Variants in L3MBTL1 observed in about 807,000 individuals in gnomAD.
The protein encoded by L3MBTL1 is lethal(3)malignant brain tumor-like protein 1.
In L3MBTL1, 75 loss-of-function variants were observed where a neutral mutation model predicts 105.3. That is an observed-to-expected ratio of 0.71 (90% CI 0.59 to 0.86). The LOEUF is 0.86. L3MBTL1 is among the 40% of genes least tolerant of loss of function. The pLI, the probability that L3MBTL1 is intolerant of heterozygous loss-of-function variation, is 0.00. For synonymous variants in L3MBTL1, 452 were observed against 436.2 expected, an observed-to-expected ratio of 1.04 and a Z score of -0.45; for missense variants, 1,069 against 1,126.4, an observed-to-expected ratio of 0.95 and a Z score of 0.73.
At chr20:43,514,535 G>A (rs759495257) in intron 3 of L3MBTL1, 100 bp from the exon 4 acceptor site, 6 of 1,577,410 alleles carry the variant, frequency 3.8e-6, no homozygotes, top group South Asian at 1.2e-5. Context: ...TGCTGAGGGC[G>A]TGAGCTGGCA....
chr20:43,530,336 A>G lies in L3MBTL1; in HGVS notation c.1109A>G (p.Asp370Gly), dbSNP rs1276410568. Residue 370 changes from aspartate (D) to glycine (G), a missense_variant, in exon 10 of 22, where the codon GAC (aspartate) becomes GGC (glycine). By Grantham distance (94) the Asp-to-Gly change is moderately conservative. Coordinates refer to ENST00000418998, the MANE Select transcript of L3MBTL1 (RefSeq NM_001377303.1). ...LHFDGYSECH[D>G]FWVNANSPDI... ...TTTGATGGGTATTCTGAGTGCCATG[A>G]CTTCTGGGTCAATGCCAACTCCCCT... The G allele has an allele frequency of 3.1e-6, 5 of 1,613,844 alleles. No homozygotes were observed. The highest frequency in any genetic ancestry group is 4.2e-6 in the Non-Finnish European group (5 of 1,179,994).
intron 9 of L3MBTL1, among the ~76,000 whole-genome samples, chr20:43,529,735 G>A (rs1262783224): frequency 6.6e-6 from 1 of 152,198 alleles, no homozygotes. Flanking sequence ...GAGCTGGGAG[G>A]CACAGTTGGG....
intron 7 of L3MBTL1, 134 bp from the exon 8 acceptor site, chr20:43,528,523 G>A (rs2019150278): frequency 1.5e-6 from 1 of 666,216 alleles, no homozygotes; most frequent in Non-Finnish European, 2.7e-6. Context: ...CATGGTGGGT[G>A]GGACCAGAGG....
At chr20:43,518,851 CAAAAAA>C (rs34529936) in intron 7 of L3MBTL1, among the ~76,000 whole-genome samples, 6 of 33,300 alleles carry the variant, frequency 1.8e-4, no homozygotes, top group African/African-American at 7.2e-4. Flanking sequence ...ACTAAAAATA[CAAAAAA>C]AAAAAAAAAA....
intron 13 of L3MBTL1, 83 bp downstream of exon 13, chr20:43,533,501 A>C (rs2019448332): frequency 1.7e-6 from 2 of 1,158,628 alleles, no homozygotes; most frequent in Non-Finnish European, 2.5e-6. Flanking sequence ...GTAGTGCCCC[A>C]GTAGCTGGCT....
Position 43,534,877 on chromosome 20 carries a change from A to T in L3MBTL1, c.1760A>T (p.Asp587Val). 6.2e-7 allele frequency: 1 copy of T among 1,609,670 alleles called. No individual in the cohort carries two copies. The highest frequency in any genetic ancestry group is 1.1e-5 in the South Asian group (1 of 90,948). Reference protein sequence around the residue: ...SHGYDFWIDADHPDIHPAGWC... With the variant: ...SHGYDFWIDAVHPDIHPAGWC... ...GGCTATGATTTCTGGATCGACGCTG[A>T]CCACCCAGACATCCACCCTGCCGGC... The change falls in exon 16 of 22, where the codon GAC (aspartate) becomes GTC (valine). Residue 587 changes from aspartate to valine, a missense_variant. By Grantham distance (152) the Asp-to-Val change is radical. Coordinates refer to ENST00000418998, the MANE Select transcript of L3MBTL1 (RefSeq NM_001377303.1).
downstream of L3MBTL1, among the ~76,000 whole-genome samples, chr20:43,546,231 G>A (rs892209483): frequency 6.6e-6 from 1 of 152,240 alleles, no homozygotes; most frequent in Non-Finnish European, 1.5e-5. Context: ...GGAAGGGTCT[G>A]TAGTGCAGTC....
chr20:43,535,946 G>A lies in L3MBTL1; in HGVS notation c.1925+10G>A, dbSNP rs1008433259. On this transcript the variant is annotated intron_variant, in intron 17 of 21. Coordinates refer to ENST00000418998, the MANE Select transcript of L3MBTL1 (RefSeq NM_001377303.1). ...ACAGCTTTCACCACCGGTGAGTGAA[G>A]GTTCCTGGTGAGAGACCCTCAGCGT... 8 of 1,609,054 alleles carry A rather than the reference G, an allele frequency of 5.0e-6. No homozygotes were observed. Among genetic ancestry groups the A allele is most frequent in the Non-Finnish European group, 6.8e-6 (8 of 1,176,728 alleles).
At chr20:43,520,265 T>C (rs1040810454) in intron 7 of L3MBTL1, among the ~76,000 whole-genome samples, 5 of 152,348 alleles carry the variant, frequency 3.3e-5, no homozygotes, top group African/African-American at 1.2e-4. Context: ...AATATTCCAT[T>C]GTATGGGCAT....
chr20:43,536,635 G>T (rs1474309544), intron 19 of L3MBTL1, among the ~76,000 whole-genome samples, 177 bp downstream of exon 19: 1 of 152,172 alleles, frequency 6.6e-6, no homozygotes, highest in East Asian at 1.9e-4. Flanking sequence ...GAGGGGCCTT[G>T]AGTGACCTTG....
chr20:43,549,404 G>A (rs1978838440), exon 19 of L3MBTL1: 1 of 152,184 alleles, frequency 6.6e-6, no homozygotes, highest in Admixed American at 6.5e-5. Context: ...GAGTTAGGAA[G>A]GTGAACTTTT....
At chr20:43,525,633 AAGG>A (rs1207620177) in intron 7 of L3MBTL1, among the ~76,000 whole-genome samples, 1 of 152,166 alleles carries the variant, frequency 6.6e-6, no homozygotes, top group Non-Finnish European at 1.5e-5. Context: ...ACAATAGAAA[AAGG>A]AGGCAGGAAA....
At position 43,534,032 on chromosome 20, in the gene L3MBTL1, G is replaced by T. The variant is rs201251426; in HGVS notation, c.1538G>T (p.Cys513Phe). 34 of 1,614,042 alleles carry T rather than the reference G, an allele frequency of 2.1e-5. No individual in the cohort carries two copies. Among genetic ancestry groups the T allele is most frequent in the East Asian group, 1.1e-4 (5 of 44,884 alleles). ...PQDYPDPDNF[C>F]WEKYLEETGA... ...GACTACCCAGACCCTGATAACTTCT[G>T]TTGGGAGAAATATCTGGAAGAAACT... Residue 513 changes from cysteine (C) to phenylalanine (F), a missense_variant, in exon 14 of 22, where the codon TGT (cysteine) becomes TTT (phenylalanine). Cys to Phe is a radical substitution (Grantham distance 205, BLOSUM62 -2). Transcript: ENST00000418998.
At position 43,507,731 on chromosome 20, in the gene L3MBTL1, G is replaced by A. The variant is rs978892621; in HGVS notation, c.-42G>A. 6.6e-6 allele frequency: 1 copy of A among 152,102 alleles called. No individual in the cohort carries two copies. Among genetic ancestry groups the A allele is most frequent in the Non-Finnish European group, 1.5e-5 (1 of 68,010 alleles). 9.4% of individuals were successfully genotyped at this position (152,102 alleles called of 1,614,324 possible). A position where few individuals can be genotyped will look rare whatever the true frequency, so the allele number is the denominator to read the frequency against. ...CGTAGCTAGGCGCTGGGCGGCCACC[G>A]GCTGGCCAGGCAGGTAAGCAACCAG... On this transcript the variant is annotated 5_prime_UTR_variant, in exon 1 of 22. Coordinates refer to ENST00000418998, the MANE Select transcript of L3MBTL1 (RefSeq NM_001377303.1).
intron 7 of L3MBTL1, among the ~76,000 whole-genome samples, chr20:43,528,350 G>A (rs1263420903): frequency 1.3e-5 from 2 of 152,226 alleles, no homozygotes; most frequent in Admixed American, 1.3e-4. Context: ...TCAGAGGACA[G>A]GGTCCCTCTG....
downstream of L3MBTL1, among the ~76,000 whole-genome samples, chr20:43,544,357 C>A (rs566638951): frequency 7.9e-5 from 12 of 152,230 alleles, no homozygotes; most frequent in Non-Finnish European, 1.5e-4. Context: ...GCACTGCAGG[C>A]TGTTGCTTAG....
chr20:43,514,463 T>A, intron 3 of L3MBTL1, 172 bp from the exon 4 acceptor site: 1 of 1,508,846 alleles, frequency 6.6e-7, no homozygotes, highest in Non-Finnish European at 8.9e-7. Flanking sequence ...GGGCGTAGCC[T>A]GGAGTGAGGG....
At position 43,514,993 on chromosome 20, in the gene L3MBTL1, C is replaced by T. The variant is rs367652836; in HGVS notation, c.503-16C>T. The T allele has an allele frequency of 3.1e-6, 5 of 1,611,628 alleles. No homozygotes were observed. The South Asian group carries it at 4.4e-5, about 14-fold the overall frequency. ...GCGATGGGGAGGGAGGCCTGAGGCC[C>T]ATTTGGCCCCCGCAGAGGACCACCC... is the stretch of plus-strand genomic sequence containing the variant. On this transcript the variant is annotated splice_polypyrimidine_tract_variant and intron_variant, in intron 4 of 21. Coordinates refer to ENST00000418998, the MANE Select transcript of L3MBTL1 (RefSeq NM_001377303.1).
chr20:43,540,420 C>A (rs1395314504), intron 20 of L3MBTL1, 112 bp downstream of exon 20: 20 of 1,236,012 alleles, frequency 1.6e-5, no homozygotes, highest in Non-Finnish European at 2.2e-5. Flanking sequence ...CTGGCACTAC[C>A]TCTTGCTCAT....
Sources: gnomAD v4.1 joint callset for allele counts (sites outside exome capture counted in the v4.1 genomes callset) on GRCh38, gnomAD v4.1.1 for gene constraint, MANE v1.5 for transcripts, NCBI Gene and HGNC (gene_info 2026-07-23, HGNC 2026-07-21) for gene names.